The following CSMD3 variants were observed in gnomAD, a reference collection of about 807,000 sequenced individuals.
CSMD3 encodes the protein CUB and sushi domain-containing protein 3.
In CSMD3, 177 loss-of-function variants were observed where a neutral mutation model predicts 435.2. The ratio of observed to expected loss-of-function variants is 0.41; its 90% confidence interval spans 0.36 to 0.46. The LOEUF (loss-of-function observed/expected upper bound fraction) is 0.46. Among genes scored for constraint, CSMD3 ranks in the 20% least tolerant of loss-of-function variants. The pLI is 0.34. For missense variants in CSMD3, 4,265 were observed against 4,504.6 expected (o/e 0.95, Z 1.52); for synonymous variants, 1,656 against 1,520.5 (o/e 1.09, Z -2.07).
At chr8:113,254,409 C>T (rs2093362324) in intron 3 of CSMD3, among the ~76,000 whole-genome samples, 1 of 152,150 alleles carries the variant, frequency 6.6e-6, no homozygotes, top group Non-Finnish European at 1.5e-5. Context: ...CTTTCCTTTC[C>T]TTTGTCAACC....
chr8:112,547,178 T>C (rs1281627781), intron 27 of CSMD3, among the ~76,000 whole-genome samples: 2 of 152,180 alleles, frequency 1.3e-5, no homozygotes, highest in Admixed American at 6.6e-5. Context: ...ATTGCTGAGC[T>C]TAATTTTTAT....
intron 28 of CSMD3, among the ~76,000 whole-genome samples, chr8:112,507,567 G>C (rs1266197900): frequency 6.6e-6 from 1 of 152,158 alleles, no homozygotes; most frequent in Non-Finnish European, 1.5e-5. Context: ...TTCTCACAAT[G>C]TCTCCTACAC....
intron 11 of CSMD3, among the ~76,000 whole-genome samples, chr8:112,839,374 A>G (rs1031374496): frequency 6.6e-6 from 1 of 151,818 alleles, no homozygotes; most frequent in Non-Finnish European, 1.5e-5. Context: ...GAAGCTACAT[A>G]AAATGAAAAA....
At chr8:112,249,790 C>T (rs1297404496) in intron 63 of CSMD3, among the ~76,000 whole-genome samples, 2 of 152,046 alleles carry the variant, frequency 1.3e-5, no homozygotes, top group Admixed American at 6.6e-5. Flanking sequence ...TGGAATGCCT[C>T]TCCCAACTTT....
At chr8:112,317,489 G>T (rs1355093532) in intron 47 of CSMD3, among the ~76,000 whole-genome samples, 1 of 151,926 alleles carries the variant, frequency 6.6e-6, no homozygotes, top group Non-Finnish European at 1.5e-5. Flanking sequence ...CAAAGGTTGA[G>T]CCTCTGTCTT....
chr8:112,379,461 C>T (rs916957289), intron 38 of CSMD3, among the ~76,000 whole-genome samples: 1 of 152,090 alleles, frequency 6.6e-6, no homozygotes, highest in African/African-American at 2.4e-5. Flanking sequence ...AAGAGTGAAA[C>T]TCCGTCTCAA....
chr8:112,428,945 T>C (rs1445547111), intron 32 of CSMD3, among the ~76,000 whole-genome samples: 1 of 152,154 alleles, frequency 6.6e-6, no homozygotes. Flanking sequence ...TGGATATTTA[T>C]TGTGTACAAC....
intron 63 of CSMD3, among the ~76,000 whole-genome samples, chr8:112,251,506 T>C (rs570478048): frequency 2.6e-5 from 4 of 151,840 alleles, no homozygotes; most frequent in South Asian, 4.1e-4. Context: ...AAAGTAATTT[T>C]TTTTTACTTT....
Position 112,609,877 on chromosome 8 carries a change from G to A in CSMD3, c.3716-22642C>T, listed in dbSNP as rs951608656. On this transcript the variant is annotated intron_variant, in intron 22 of 70. Coordinates refer to ENST00000297405, the MANE Select transcript of CSMD3 (RefSeq NM_198123.2). Reference sequence around the variant, plus strand: ...AAAATCCTGACTTTGCAACAACATGGATGAACCTGCAAGACATTATGGTAA... The same window carrying A: ...AAAATCCTGACTTTGCAACAACATGAATGAACCTGCAAGACATTATGGTAA... Among the ~76,000 whole-genome samples the A allele has an allele frequency of 2.6e-5, 4 of 152,170 alleles. No individual in the cohort carries two copies. The South Asian group carries it at 8.3e-4, about 32-fold the overall frequency.
intron 2 of CSMD3, among the ~76,000 whole-genome samples, chr8:113,289,544 C>CAGAGAG: frequency 1.3e-5 from 1 of 74,104 alleles, no homozygotes; most frequent in East Asian, 4.0e-4. Flanking sequence ...AGAAGACAGA[C>CAGAGAG]AGAGAGAGAC....
chr8:112,330,387 T>TA (rs1038406728), intron 45 of CSMD3, among the ~76,000 whole-genome samples: 1 of 152,136 alleles, frequency 6.6e-6, no homozygotes, highest in Non-Finnish European at 1.5e-5. Flanking sequence ...ATCTTCCACT[T>TA]ACAAAGTGAA....
At chr8:112,636,232 T>C (rs2074653494) in intron 22 of CSMD3, among the ~76,000 whole-genome samples, 1 of 152,120 alleles carries the variant, frequency 6.6e-6, no homozygotes, top group Admixed American at 6.6e-5. Context: ...ATTATAGTTA[T>C]TTTTTATTTC....
intron 24 of CSMD3, among the ~76,000 whole-genome samples, chr8:112,563,093 G>T (rs746673879): frequency 6.6e-6 from 1 of 151,598 alleles, no homozygotes; most frequent in Non-Finnish European, 1.5e-5. Flanking sequence ...AACAACAGCT[G>T]CAATAATCCT....
intron 13 of CSMD3, among the ~76,000 whole-genome samples, chr8:112,704,835 G>A (rs938459520): frequency 4.6e-5 from 7 of 151,944 alleles, no homozygotes; most frequent in Non-Finnish European, 8.8e-5. Flanking sequence ...ACTTTGAAAC[G>A]CTCCACAATG....
chr8:112,352,685 T>C, intron 38 of CSMD3, 151 bp from the exon 39 acceptor site: 1 of 715,780 alleles, frequency 1.4e-6, no homozygotes, highest in Admixed American at 2.1e-5. Flanking sequence ...AAGATTTAAC[T>C]GTAGATGTCA....
chr8:113,157,247 T>C (rs1248967047), intron 4 of CSMD3, among the ~76,000 whole-genome samples: 1 of 152,094 alleles, frequency 6.6e-6, no homozygotes, highest in African/African-American at 2.4e-5. Context: ...TTACGTTGCC[T>C]TCTGGTACTA....
At chr8:113,204,387 T>C (rs2092748041) in intron 3 of CSMD3, among the ~76,000 whole-genome samples, 1 of 152,190 alleles carries the variant, frequency 6.6e-6, no homozygotes, top group Non-Finnish European at 1.5e-5. Flanking sequence ...AAGGTACATA[T>C]GTTTTCTATT....
chr8:112,684,165 A>C (rs1353148216), intron 15 of CSMD3, among the ~76,000 whole-genome samples: 6 of 152,006 alleles, frequency 3.9e-5, no homozygotes. Context: ...AGACAAAATA[A>C]AAATTATAGA....
chr8:112,463,906 A>G (rs1311231012), intron 32 of CSMD3, among the ~76,000 whole-genome samples: 4 of 152,094 alleles, frequency 2.6e-5, no homozygotes, highest in Non-Finnish European at 5.9e-5. Context: ...CTGAGTTCTA[A>G]CCTCCTAAAA....
Sources: allele counts gnomAD v4.1 joint callset (sites outside exome capture counted in the v4.1 genomes callset), GRCh38; gene constraint gnomAD v4.1.1; transcripts MANE v1.5; gene names NCBI Gene and HGNC (gene_info 2026-07-23, HGNC 2026-07-21).